CACNA2D3: variants seen among roughly 807,000 people sequenced by gnomAD.
The protein encoded by CACNA2D3 is voltage-dependent calcium channel subunit alpha-2/delta-3.
In CACNA2D3, 60 loss-of-function variants were observed where a neutral mutation model predicts 160.6. The ratio of observed to expected loss-of-function variants is 0.37; its 90% confidence interval spans 0.30 to 0.46. The LOEUF (loss-of-function observed/expected upper bound fraction) is 0.46. Among genes scored for constraint, CACNA2D3 ranks in the 20% least tolerant of loss-of-function variants. The pLI, the probability that CACNA2D3 is intolerant of heterozygous loss-of-function variation, is 1.00. For synonymous variants in CACNA2D3, 558 were observed against 492.9 expected, an observed-to-expected ratio of 1.13 and a Z score of -1.75; for missense variants, 1,205 against 1,365.0, an observed-to-expected ratio of 0.88 and a Z score of 1.85.
intron 4 of CACNA2D3, among the ~76,000 whole-genome samples, chr3:54,473,779 A>G (rs1262783190): frequency 6.6e-6 from 1 of 152,230 alleles, no homozygotes; most frequent in Non-Finnish European, 1.5e-5. Context: ...AAACATATGA[A>G]AAAAAGCTCA....
intron 11 of CACNA2D3, among the ~76,000 whole-genome samples, chr3:54,678,959 G>T (rs1700294973): frequency 6.6e-6 from 1 of 152,146 alleles, no homozygotes; most frequent in Admixed American, 6.6e-5. Flanking sequence ...CAAAATTCAG[G>T]AATAGGTTTC....
rs114435549 is a variant in CACNA2D3, at chr3:54,880,140, C to T, written c.1845-656C>T. 2.8e-3 allele frequency among the ~76,000 whole-genome samples: 427 copies of T among 152,286 alleles called. 2 individuals are homozygous for T. The highest frequency in any genetic ancestry group is 1.0e-2 in the African/African-American group (414 of 41,550). The stretch of plus-strand genomic sequence containing the variant: ...AACTGCCAAGGATCATGGGTGGATT[C>T]CATGTGGAACCAGGAGCAAATAAGG... On this transcript the variant is annotated intron_variant, in intron 20 of 37. Coordinates refer to ENST00000474759, the MANE Select transcript of CACNA2D3 (RefSeq NM_018398.3).
At chr3:54,614,633 G>A (rs907537365) in intron 9 of CACNA2D3, among the ~76,000 whole-genome samples, 9 of 152,110 alleles carry the variant, frequency 5.9e-5, no homozygotes, top group African/African-American at 2.2e-4. Context: ...AAAATACAGA[G>A]ATAATAGAGT....
chr3:54,911,932 A>G (rs1700564861), intron 27 of CACNA2D3, among the ~76,000 whole-genome samples: 1 of 152,174 alleles, frequency 6.6e-6, no homozygotes, highest in South Asian at 2.1e-4. Context: ...ATTGTACAGT[A>G]CCTGTGAGTC....
chr3:54,531,842 A>G (rs1701810969), intron 5 of CACNA2D3, among the ~76,000 whole-genome samples: 1 of 152,250 alleles, frequency 6.6e-6, no homozygotes, highest in Non-Finnish European at 1.5e-5. Flanking sequence ...TTCATTTGCC[A>G]TGTTGTCACT....
At chr3:54,207,890 T>A (rs1701301455) in intron 2 of CACNA2D3, among the ~76,000 whole-genome samples, 1 of 152,146 alleles carries the variant, frequency 6.6e-6, no homozygotes, top group African/African-American at 2.4e-5. Flanking sequence ...ACTTATCCAT[T>A]ATCCAGAAAA....
chr3:54,286,008 A>G (rs1228011106), intron 2 of CACNA2D3, among the ~76,000 whole-genome samples: 1 of 152,226 alleles, frequency 6.6e-6, no homozygotes, highest in Non-Finnish European at 1.5e-5. Flanking sequence ...TGGAAACTCT[A>G]AAAAGCAGAG....
Position 54,592,294 on chromosome 3 carries a change from A to G in CACNA2D3, c.963+10417A>G, listed in dbSNP as rs953857109. ...CCTTGATCAAACTGAGTTGTCCTGGAACATAGATTTTCGAGATTTTGCTTG... is the reference window on the plus strand; with the variant it reads ...CCTTGATCAAACTGAGTTGTCCTGGGACATAGATTTTCGAGATTTTGCTTG... On this transcript the variant is annotated intron_variant, in intron 9 of 37. Transcript: ENST00000474759. Among the ~76,000 whole-genome samples the G allele has an allele frequency of 1.3e-5, 2 of 152,342 alleles. 1 individual carries two copies.
At chr3:54,630,371 T>C (rs1298440742) in intron 10 of CACNA2D3, among the ~76,000 whole-genome samples, 1 of 152,184 alleles carries the variant, frequency 6.6e-6, no homozygotes, top group African/African-American at 2.4e-5. Flanking sequence ...CCCTTCCATC[T>C]GTCACCTTTG....
At chr3:54,247,312 TCAAA>T (rs112242643) in intron 2 of CACNA2D3, among the ~76,000 whole-genome samples, 6 of 150,852 alleles carry the variant, frequency 4.0e-5, no homozygotes, top group East Asian at 3.9e-4. Context: ...CGACTCCATC[TCAAA>T]CAAACAAACA....
chr3:54,661,846 A>ATGTGTGTGTGTG (rs869104703), intron 11 of CACNA2D3, among the ~76,000 whole-genome samples: 62 of 16,446 alleles, frequency 3.8e-3, no homozygotes, highest in African/African-American at 0.02. Context: ...GGATGTGTGT[A>ATGTGTGTGTGTG]TGTGTGTGTG....
chr3:54,955,881 T>C (rs962554867), intron 27 of CACNA2D3, among the ~76,000 whole-genome samples: 7 of 152,068 alleles, frequency 4.6e-5, no homozygotes, highest in African/African-American at 1.7e-4. Context: ...CAAGGAGCAG[T>C]GGCTTAACAA....
At position 55,074,264 on chromosome 3, in the gene CACNA2D3, G is replaced by A. The variant is rs1343073583; in HGVS notation, c.*58G>A. On this transcript the variant is annotated 3_prime_UTR_variant, in exon 38 of 38. Coordinates refer to ENST00000474759, the MANE Select transcript of CACNA2D3 (RefSeq NM_018398.3). ...TGTTCTCTTGGCATGCTAAATCATG[G>A]ATAAACTGTGAACCAAAATATGGTG... is the stretch of plus-strand genomic sequence containing the variant. 7.1e-7 allele frequency: 1 copy of A among 1,401,082 alleles called. No homozygotes were observed. Among genetic ancestry groups the A allele is most frequent in the East Asian group, 2.3e-5 (1 of 43,946 alleles). 86.8% of individuals were successfully genotyped at this position (1,401,082 alleles called of 1,614,324 possible).
At chr3:54,252,204 A>G (rs1053183273) in intron 2 of CACNA2D3, among the ~76,000 whole-genome samples, 1 of 146,586 alleles carries the variant, frequency 6.8e-6, no homozygotes, top group African/African-American at 2.6e-5. Context: ...GTTTTCTTGC[A>G]GGATGGGCTA....
chr3:54,918,023 C>CA (rs1700703881), intron 27 of CACNA2D3, among the ~76,000 whole-genome samples: 1 of 152,306 alleles, frequency 6.6e-6, no homozygotes. Flanking sequence ...CGGGTAAGAT[C>CA]ACCAGCCTCT....
intron 4 of CACNA2D3, among the ~76,000 whole-genome samples, chr3:54,501,973 G>C (rs1012197232): frequency 6.6e-6 from 1 of 152,140 alleles, no homozygotes; most frequent in Non-Finnish European, 1.5e-5. Context: ...TGCCTGGATG[G>C]CTTCTGAAGA....
chr3:54,965,775 T>A (rs1379378501), intron 27 of CACNA2D3, among the ~76,000 whole-genome samples: 1 of 152,164 alleles, frequency 6.6e-6, no homozygotes, highest in Non-Finnish European at 1.5e-5. Context: ...GGAACACAGC[T>A]AGGTCAAAAC....
intron 35 of CACNA2D3, among the ~76,000 whole-genome samples, chr3:55,056,879 G>A (rs554166147): frequency 3.3e-5 from 5 of 152,158 alleles, no homozygotes; most frequent in Non-Finnish European, 7.3e-5. Flanking sequence ...CTGGAGTTCT[G>A]TTGCACATCA....
At chr3:54,908,533 T>C (rs1457793715) in intron 27 of CACNA2D3, among the ~76,000 whole-genome samples, 1 of 152,060 alleles carries the variant, frequency 6.6e-6, no homozygotes, top group African/African-American at 2.4e-5. Flanking sequence ...CTGGGCAACA[T>C]GGTGAAACAC....
Sources: allele counts gnomAD v4.1 joint callset (sites outside exome capture counted in the v4.1 genomes callset), GRCh38; gene constraint gnomAD v4.1.1; transcripts MANE v1.5; gene names NCBI Gene and HGNC (gene_info 2026-07-23, HGNC 2026-07-21).